MAGI2: variants seen among roughly 807,000 people sequenced by gnomAD.
MAGI2 encodes membrane associated guanylate kinase, WW and PDZ domain containing 2.
In MAGI2, 35 loss-of-function variants were observed where a neutral mutation model predicts 133.3. That is an observed-to-expected ratio of 0.26 (90% CI 0.20 to 0.35). The LOEUF (loss-of-function observed/expected upper bound fraction) is 0.35, where lower values mean the gene tolerates loss of function less well. MAGI2 is among the 10% of genes least tolerant of loss of function. The pLI is 1.00. For missense variants in MAGI2, 1,636 were observed against 1,863.4 expected (o/e 0.88, Z 2.25); for synonymous variants, 729 against 710.6 (o/e 1.03, Z -0.41).
chr7:78,258,995 T>C (rs1456953348), intron 9 of MAGI2, among the ~76,000 whole-genome samples: 1 of 152,178 alleles, frequency 6.6e-6, no homozygotes, highest in African/African-American at 2.4e-5. Context: ...CTCTGATCGG[T>C]AGTGTGTTGA....
intron 10 of MAGI2, among the ~76,000 whole-genome samples, chr7:78,242,379 C>T (rs1423595755): frequency 6.6e-6 from 1 of 152,178 alleles, no homozygotes; most frequent in East Asian, 1.9e-4. Context: ...ATCTGCCATT[C>T]AGGAACACAT....
chr7:78,753,236 T>C (rs550984927), intron 2 of MAGI2, among the ~76,000 whole-genome samples: 1 of 150,730 alleles, frequency 6.6e-6, no homozygotes, highest in South Asian at 2.1e-4. Context: ...TAAAGGAAAA[T>C]AGTAATCAAT....
intron 2 of MAGI2, among the ~76,000 whole-genome samples, chr7:78,886,558 T>C (rs75679136): frequency 5.3e-5 from 8 of 152,316 alleles, no homozygotes; most frequent in African/African-American, 1.9e-4. Context: ...CTATGTTTCC[T>C]TCTTTCTTTA....
chr7:79,148,234 G>C (rs1256071669), intron 1 of MAGI2, among the ~76,000 whole-genome samples: 1 of 152,156 alleles, frequency 6.6e-6, no homozygotes, highest in Non-Finnish European at 1.5e-5. Flanking sequence ...GAGAGAATGT[G>C]GGATGTTCAC....
chr7:78,399,483 G>A (rs1184241071), intron 6 of MAGI2, among the ~76,000 whole-genome samples: 1 of 152,156 alleles, frequency 6.6e-6, no homozygotes, highest in Non-Finnish European at 1.5e-5. Flanking sequence ...ATCAGTCGAG[G>A]TAATGGGAGC....
At chr7:78,625,012 CTAT>C (rs1414372059) in intron 3 of MAGI2, among the ~76,000 whole-genome samples, 1 of 151,986 alleles carries the variant, frequency 6.6e-6, no homozygotes, top group Non-Finnish European at 1.5e-5. Context: ...AGTTCCATGC[CTAT>C]TATTGCCCCT....
chr7:79,288,131 C>G (rs1242806552), intron 1 of MAGI2, among the ~76,000 whole-genome samples: 1 of 152,138 alleles, frequency 6.6e-6, no homozygotes, highest in Admixed American at 6.6e-5. Context: ...ATGCTCACCA[C>G]TAAGAGCACA....
chr7:79,207,593 ATGGATTG>A, intron 1 of MAGI2, among the ~76,000 whole-genome samples: 1 of 152,084 alleles, frequency 6.6e-6, no homozygotes, highest in African/African-American at 2.4e-5. Context: ...TCCATGTTCT[ATGGATTG>A]GAAGAATCAA....
intron 16 of MAGI2, among the ~76,000 whole-genome samples, chr7:78,146,665 G>A (rs1253052308): frequency 1.3e-5 from 2 of 152,114 alleles, no homozygotes; most frequent in East Asian, 1.9e-4. Flanking sequence ...TGTGTCTCTT[G>A]ACTACCTTTG....
At chr7:78,727,448 A>C (rs578126482) in intron 2 of MAGI2, among the ~76,000 whole-genome samples, 5 of 152,358 alleles carry the variant, frequency 3.3e-5, no homozygotes, top group African/African-American at 1.2e-4. Flanking sequence ...CCTATTCCTT[A>C]GAGTTTGCTG....
intron 1 of MAGI2, among the ~76,000 whole-genome samples, chr7:79,310,162 C>CAAAAAAAAAAAA (rs71518921): frequency 6.1e-5 from 1 of 16,302 alleles, no homozygotes; most frequent in Non-Finnish European, 1.2e-4. Context: ...GAGTCCATCT[C>CAAAAAAAAAAAA]AAAAAAAAAA....
chr7:78,977,455 T>A (rs1804364588), intron 2 of MAGI2, among the ~76,000 whole-genome samples: 1 of 118,366 alleles, frequency 8.4e-6, no homozygotes, highest in African/African-American at 3.3e-5. Context: ...GACCTTACAA[T>A]TTACAAAGAA....
At position 78,382,651 on chromosome 7, in the gene MAGI2, A is replaced by G. The variant is rs11980228; in HGVS notation, c.1046-13438T>C. 7.0e-3 allele frequency among the ~76,000 whole-genome samples: 1,068 copies of G among 152,222 alleles called. 13 individuals are homozygous for G. Among genetic ancestry groups the G allele is most frequent in the African/African-American group, 0.024 (1,001 of 41,564 alleles). On this transcript the variant is annotated intron_variant, in intron 6 of 21. Coordinates refer to ENST00000354212, the MANE Select transcript of MAGI2 (RefSeq NM_012301.4). ...GTATTAGGGTGTCTACCACCCTAGT[A>G]CAATACAATTTTAAGTACAGTCGCC...
At chr7:78,411,678 T>C (rs1218047218) in intron 6 of MAGI2, among the ~76,000 whole-genome samples, 1 of 152,080 alleles carries the variant, frequency 6.6e-6, no homozygotes, top group Non-Finnish European at 1.5e-5. Flanking sequence ...TCTTCATATT[T>C]TCCTGTGGAG....
Position 79,184,405 on chromosome 7 carries a change from G to A in MAGI2, c.302-177199C>T, listed in dbSNP as rs555536529. Among the ~76,000 whole-genome samples the A allele has an allele frequency of 3.0e-4, 45 of 150,212 alleles. 1 individual carries two copies. Among genetic ancestry groups the A allele is most frequent in the African/African-American group, 1.1e-3 (43 of 40,912 alleles). ...CCAAACACACCTGTTTCCCAAAAAC[G>A]TATTGAAATTAAAAATAAAAATAAG... On this transcript the variant is annotated intron_variant, in intron 1 of 21. Coordinates refer to ENST00000354212, the MANE Select transcript of MAGI2 (RefSeq NM_012301.4).
intron 2 of MAGI2, among the ~76,000 whole-genome samples, chr7:79,003,382 A>G (rs1384150554): frequency 4.6e-5 from 7 of 152,194 alleles, no homozygotes; most frequent in Non-Finnish European, 1.5e-5. Flanking sequence ...ATTTACTCTT[A>G]TATAGTTATA....
chr7:78,660,996 C>A (rs193283361), intron 2 of MAGI2, among the ~76,000 whole-genome samples: 1 of 152,236 alleles, frequency 6.6e-6, no homozygotes, highest in East Asian at 1.9e-4. Flanking sequence ...TTCCTTTGGC[C>A]TCTCTGACAG....
Position 79,186,503 on chromosome 7 carries a change from G to T in MAGI2, c.302-179297C>A, listed in dbSNP as rs1178649995. On this transcript the variant is annotated intron_variant, in intron 1 of 21. Transcript: ENST00000354212. The stretch of plus-strand genomic sequence containing the variant: ...AACAATTGTGCAAGTAGATTTGCAT[G>T]GTTGTGTTTCACAGATATACACACA... 7.4e-5 allele frequency among the ~76,000 whole-genome samples: 11 copies of T among 148,718 alleles called. No homozygotes were observed. In the South Asian group the frequency reaches 2.3e-3, roughly 31 times the overall value.
intron 1 of MAGI2, among the ~76,000 whole-genome samples, chr7:79,362,843 ATACT>A (rs1248322944): frequency 6.6e-6 from 1 of 152,024 alleles, no homozygotes; most frequent in Non-Finnish European, 1.5e-5. Flanking sequence ...ACTAGCATAC[ATACT>A]TAGTGATGAA....
Sources: gnomAD v4.1 joint callset for allele counts (sites outside exome capture counted in the v4.1 genomes callset) on GRCh38, gnomAD v4.1.1 for gene constraint, MANE v1.5 for transcripts, NCBI Gene and HGNC (gene_info 2026-07-23, HGNC 2026-07-21) for gene names.